MGAT5: variants seen among roughly 807,000 people sequenced by gnomAD.
The protein encoded by MGAT5 is alpha-1,6-mannosylglycoprotein 6-beta-N-acetylglucosaminyltransferase A.
In MGAT5, 30 loss-of-function variants were observed where a neutral mutation model predicts 94.3. That is an observed-to-expected ratio of 0.32 (90% CI 0.24 to 0.43). MGAT5 has a LOEUF of 0.43. MGAT5 is among the 20% of genes least tolerant of loss of function. The pLI, the probability that MGAT5 is intolerant of heterozygous loss-of-function variation, is 1.00. For synonymous variants in MGAT5, 310 were observed against 322.9 expected (o/e 0.96, Z 0.43); for missense variants, 691 against 905.5 (o/e 0.76, Z 3.04).
At chr2:134,446,137 T>C (rs1685759099) in intron 15 of MGAT5, among the ~76,000 whole-genome samples, 1 of 152,050 alleles carries the variant, frequency 6.6e-6, no homozygotes, top group Non-Finnish European at 1.5e-5. Flanking sequence ...GTGAAGCGTC[T>C]GCTGCTTGAG....
chr2:134,360,567 A>G (rs1386429993), intron 9 of MGAT5, among the ~76,000 whole-genome samples: 1 of 91,018 alleles, frequency 1.1e-5, no homozygotes, highest in Non-Finnish European at 3.4e-5. Flanking sequence ...AAAACACCTG[A>G]TCCTGAAGTA....
At chr2:134,130,840 A>G (rs1573712235) in intron 1 of MGAT5, among the ~76,000 whole-genome samples, 1 of 151,950 alleles carries the variant, frequency 6.6e-6, no homozygotes, top group Non-Finnish European at 1.5e-5. Flanking sequence ...TAGCTAATCT[A>G]GTGGGGACTT....
intron 1 of MGAT5, among the ~76,000 whole-genome samples, chr2:134,189,609 T>TTTTTTTTTTTTTTG (rs1558978202): frequency 2.2e-5 from 3 of 134,064 alleles, no homozygotes; most frequent in African/African-American, 8.7e-5. Context: ...TTTGTTTTTT[T>TTTTTTTTTTTTTTG]TTTTTTTTTT....
chr2:134,283,863 G>A (rs1324398863), intron 2 of MGAT5, among the ~76,000 whole-genome samples: 1 of 151,794 alleles, frequency 6.6e-6, no homozygotes, highest in Non-Finnish European at 1.5e-5. Context: ...AGGATACATC[G>A]CTGCACTAGG....
intron 7 of MGAT5, among the ~76,000 whole-genome samples, chr2:134,343,536 G>C (rs1021366504): frequency 6.6e-6 from 1 of 152,178 alleles, no homozygotes; most frequent in African/African-American, 2.4e-5. Context: ...CTGTACGTTA[G>C]AACCACCTGG....
intron 1 of MGAT5, among the ~76,000 whole-genome samples, chr2:134,214,519 C>G (rs1197249184): frequency 2.0e-5 from 3 of 151,906 alleles, no homozygotes; most frequent in African/African-American, 7.3e-5. Context: ...GGGCCGCATT[C>G]AAAGCTGTCC....
chr2:134,289,202 C>A (rs1360593746), intron 2 of MGAT5, among the ~76,000 whole-genome samples: 1 of 152,166 alleles, frequency 6.6e-6, no homozygotes, highest in Non-Finnish European at 1.5e-5. Flanking sequence ...CTCCTCTTCC[C>A]ACATGCCCTT....
intron 2 of MGAT5, among the ~76,000 whole-genome samples, chr2:134,278,366 G>A (rs973464355): frequency 2.6e-5 from 4 of 152,204 alleles, no homozygotes; most frequent in African/African-American, 9.7e-5. Flanking sequence ...CCAGACGGCT[G>A]TGCTGCTTTC....
At chr2:134,179,128 TA>T (rs1172115750) in intron 1 of MGAT5, among the ~76,000 whole-genome samples, 1 of 152,216 alleles carries the variant, frequency 6.6e-6, no homozygotes, top group Admixed American at 6.5e-5. Context: ...ATATTGCAAA[TA>T]AGTGTTCTTC....
intron 10 of MGAT5, among the ~76,000 whole-genome samples, chr2:134,382,215 G>A (rs538066807): frequency 4.0e-5 from 6 of 151,272 alleles, no homozygotes; most frequent in South Asian, 2.1e-4. Context: ...TGATCATGCC[G>A]CTATACTCCA....
intron 1 of MGAT5, among the ~76,000 whole-genome samples, chr2:134,263,062 C>A (rs1683439373): frequency 6.6e-6 from 1 of 152,164 alleles, no homozygotes; most frequent in South Asian, 2.1e-4. Flanking sequence ...GTGTTTCTGG[C>A]ATGGTACAGC....
At chr2:134,370,701 A>G (rs916286116) in intron 10 of MGAT5, among the ~76,000 whole-genome samples, 8 of 152,392 alleles carry the variant, frequency 5.2e-5, no homozygotes, top group Admixed American at 3.9e-4. Flanking sequence ...AAGGGCACTC[A>G]CATCACAGAG....
At chr2:134,126,790 A>G (rs1685857262) in intron 1 of MGAT5, among the ~76,000 whole-genome samples, 1 of 152,102 alleles carries the variant, frequency 6.6e-6, no homozygotes, top group African/African-American at 2.4e-5. Flanking sequence ...GTGTTTACAC[A>G]CTGCCACAAG....
chr2:134,394,243 C>A (rs185710705), intron 10 of MGAT5, among the ~76,000 whole-genome samples: 2 of 152,286 alleles, frequency 1.3e-5, no homozygotes, highest in Admixed American at 6.5e-5. Context: ...TTGGAAATTA[C>A]AAGAAAGCAA....
intron 2 of MGAT5, among the ~76,000 whole-genome samples, chr2:134,294,850 C>G (rs1048574531): frequency 6.6e-6 from 1 of 152,196 alleles, no homozygotes; most frequent in South Asian, 2.1e-4. Flanking sequence ...CTTCCTCTTT[C>G]CTTTGTTCTC....
At chr2:134,231,469 G>A (rs1681361536) in intron 1 of MGAT5, among the ~76,000 whole-genome samples, 2 of 152,224 alleles carry the variant, frequency 1.3e-5, no homozygotes, top group African/African-American at 4.8e-5. Context: ...GTGGTGGGTG[G>A]TAAATGCTTC....
intron 5 of MGAT5, 60 bp downstream of exon 5, chr2:134,336,348 A>G: frequency 1.5e-6 from 2 of 1,374,440 alleles, no homozygotes. Context: ...GCCAAGTGAT[A>G]CATGTGGAAT....
At chr2:134,148,758 G>GTT (rs1687038287) in intron 1 of MGAT5, among the ~76,000 whole-genome samples, 1 of 128,708 alleles carries the variant, frequency 7.8e-6, no homozygotes, top group African/African-American at 2.9e-5. Context: ...CTCTTTCTTA[G>GTT]GTTTTTTTTT....
intron 10 of MGAT5, among the ~76,000 whole-genome samples, chr2:134,389,995 T>G (rs1044736438): frequency 2.0e-5 from 3 of 152,194 alleles, no homozygotes; most frequent in African/African-American, 7.2e-5. Context: ...TCCCAATCCT[T>G]CCTGCAGTTT....
Sources: gnomAD v4.1 joint callset for allele counts (sites outside exome capture counted in the v4.1 genomes callset) on GRCh38, gnomAD v4.1.1 for gene constraint, MANE v1.5 for transcripts, NCBI Gene and HGNC (gene_info 2026-07-23, HGNC 2026-07-21) for gene names.